The following GUSB variants were observed in gnomAD, a reference collection of about 807,000 sequenced individuals.
The protein encoded by GUSB is beta-glucuronidase.
In GUSB, 51 loss-of-function variants were observed where a neutral mutation model predicts 74.6. That is an observed-to-expected ratio of 0.68 (90% CI 0.55 to 0.86). The LOEUF is 0.86. Among genes scored for constraint, GUSB ranks in the 40% least tolerant of loss-of-function variants. The pLI is 0.00. For missense variants in GUSB, 736 were observed against 853.7 expected, an observed-to-expected ratio of 0.86 and a Z score of 1.72; for synonymous variants, 360 against 348.3, an observed-to-expected ratio of 1.03 and a Z score of -0.37.
intron 4 of GUSB, among the ~76,000 whole-genome samples, chr7:65,976,721 CAGG>C (rs952614470): frequency 1.3e-5 from 2 of 151,590 alleles, no homozygotes; most frequent in African/African-American, 2.4e-5. Context: ...CGCTTGAGAC[CAGG>C]AGTTCAAGAC....
chr7:65,971,734 GAA>G (rs112996996), intron 8 of GUSB, among the ~76,000 whole-genome samples: 1 of 134,644 alleles, frequency 7.4e-6, no homozygotes, highest in African/African-American at 2.7e-5. Context: ...CCATCTTGCG[GAA>G]AAAAAAAAAA....
chr7:65,979,994 C>T (rs1791884342), intron 2 of GUSB, 83 bp from the exon 3 acceptor site: 1 of 1,198,838 alleles, frequency 8.3e-7, no homozygotes, highest in Non-Finnish European at 1.2e-6. Flanking sequence ...CCTCACATAA[C>T]CTGCAGCATG....
At chr7:65,970,194 T>TG in intron 9 of GUSB, 88 bp downstream of exon 9, 1 of 806,872 alleles carries the variant, frequency 1.2e-6, no homozygotes, top group South Asian at 1.3e-5. Flanking sequence ...TGGCAGCGCA[T>TG]GGTTCTTCCT....
intron 11 of GUSB, 100 bp downstream of exon 11, chr7:65,964,223 T>C (rs1790681465): frequency 5.5e-6 from 6 of 1,081,464 alleles, no homozygotes; most frequent in Non-Finnish European, 8.6e-6. Flanking sequence ...TTCCCCAACT[T>C]TGTTTCCAAT....
rs561880389 is a variant in GUSB, at chr7:65,975,837, T to A, written c.912+178A>T. ...TTGCACTCCAGCCTGGGTGACAGAG[T>A]GAGACCATCTCAAAAAAAAAAAAAA... On this transcript the variant is annotated intron_variant, in intron 5 of 11. Transcript: ENST00000304895. 739 of 552,190 alleles carry A rather than the reference T, an allele frequency of 1.3e-3. 7 individuals are homozygous for A. The African/African-American group carries it at 0.014, about 11-fold the overall frequency. 34.2% of individuals were successfully genotyped at this position (552,190 alleles called of 1,614,324 possible).
rs748729882 is a variant in GUSB, at chr7:65,980,330, C to T, written c.290G>A (p.Gly97Asp). ...CACCTCCCGTTCGTACCACACCCAG[C>T]CGACAAAATGCCGCAGACGCCAGTC... ...SQDWRLRHFV[G>D]WVWYEREVIL... The change falls in exon 2 of 12, where the codon GGC (glycine) becomes GAC (aspartate). Residue 97 changes from glycine (G) to aspartate (D), a missense_variant. By Grantham distance (94) the Gly-to-Asp change is moderately conservative (BLOSUM62 -1). Transcript: ENST00000304895. 6.2e-7 allele frequency: 1 copy of T among 1,613,880 alleles called. No individual in the cohort carries two copies. Among genetic ancestry groups the T allele is most frequent in the Admixed American group, 1.7e-5 (1 of 59,976 alleles).
intron 4 of GUSB, among the ~76,000 whole-genome samples, chr7:65,977,179 TTCAC>T (rs1373212243): frequency 1.3e-5 from 2 of 152,096 alleles, no homozygotes; most frequent in Admixed American, 1.3e-4. Flanking sequence ...CATTTTGCAC[TTCAC>T]TATTTTTTTT....
rs1791409004 is a variant in GUSB at position 65,974,289 on chromosome 7, A to G, written c.1391+6T>C. 11 of 1,613,206 alleles carry G rather than the reference A, an allele frequency of 6.8e-6. No homozygotes were observed. The highest frequency in any genetic ancestry group is 9.3e-6 in the Non-Finnish European group (11 of 1,179,786). ...CTCTAGCCGAGGGCAGGGAGGGAGC[A>G]CTCACTTCAAGTAGTAGCCAGCAGA... On this transcript the variant is annotated splice_donor_region_variant and intron_variant, in intron 8 of 11. Transcript: ENST00000304895.
intron 4 of GUSB, among the ~76,000 whole-genome samples, chr7:65,976,558 C>T (rs529892226): frequency 2.2e-4 from 33 of 151,972 alleles, no homozygotes; most frequent in African/African-American, 7.7e-4. Context: ...CCCCTGACCT[C>T]AGGTGATCCA....
intron 2 of GUSB, 39 bp downstream of exon 2, chr7:65,980,185 G>GCGCCCCCCC: frequency 1.4e-6 from 1 of 725,274 alleles, no homozygotes; most frequent in Non-Finnish European, 2.4e-6. Flanking sequence ...CAGCAGCCGT[G>GCGCCCCCCC]CCCCCCCACC....
intron 1 of GUSB, among the ~76,000 whole-genome samples, chr7:65,981,207 T>TC: frequency 7.2e-6 from 1 of 139,310 alleles, no homozygotes; most frequent in East Asian, 2.1e-4. Flanking sequence ...CCCTGTATCT[T>TC]TTTTTTTTTT....
In GUSB at chr7:65,977,978, T is replaced by C. The variant is rs377227354; in HGVS notation, c.724+1421A>G. On this transcript the variant is annotated intron_variant, in intron 4 of 11. Transcript: ENST00000304895. The stretch of plus-strand genomic sequence containing the variant: ...GGCCCCTGCCACCATGCCCGGCTAA[T>C]TTTTTGCATTTTTAGTAGAGACGGA... Among the ~76,000 whole-genome samples, 6 of 151,626 alleles carry C rather than the reference T, an allele frequency of 4.0e-5. 1 individual carries two copies. The highest frequency in any genetic ancestry group is 1.5e-5 in the Non-Finnish European group (1 of 67,876).
Position 65,979,880 on chromosome 7 carries a change from T to A in GUSB, c.428A>T (p.Glu143Val). 1 of 1,610,844 alleles carries A rather than the reference T, an allele frequency of 6.2e-7. No homozygotes were observed. Among genetic ancestry groups the A allele is most frequent in the Non-Finnish European group, 8.5e-7 (1 of 1,179,166 alleles). ...WVNGVDTLEH[E>V]GGYLPFEADI... Reference sequence around the variant, plus strand: ...GGCCTCGAAGGGGAGGTAGCCCCCCTCATGCTCTAGCGTGTCGACCCCATT... The same window carrying A: ...GGCCTCGAAGGGGAGGTAGCCCCCCACATGCTCTAGCGTGTCGACCCCATT... The change falls in exon 3 of 12, where the codon GAG becomes GTG. Residue 143 changes from glutamate (E) to valine (V), a missense_variant. By Grantham distance (121) the Glu-to-Val change is moderately radical (BLOSUM62 -2). Transcript: ENST00000304895.
rs753883162 is a variant in GUSB at position 65,980,274 on chromosome 7, G to C, written c.346C>G (p.Arg116Gly). The C allele has an allele frequency of 6.2e-7, 1 of 1,610,584 alleles. No individual in the cohort carries two copies. The highest frequency in any genetic ancestry group is 8.5e-7 in the Non-Finnish European group (1 of 1,178,726). The change falls in exon 2 of 12, where the codon CGC becomes GGC. Residue 116 changes from arginine (R) to glycine (G), a missense_variant. Arg to Gly is a moderately radical substitution (Grantham distance 125). Transcript: ENST00000304895. Reference protein sequence around the residue: ...ILPERWTQDLRTRVVLRIGSA... With the variant: ...ILPERWTQDLGTRVVLRIGSA... ...CCAATCCTCAGCACCACTCTTGTGC[G>C]CAGGTCCTGGGTCCATCGCTCCGGC...
At chr7:65,979,968 C>T in intron 2 of GUSB, 57 bp from the exon 3 acceptor site, 1 of 1,405,418 alleles carries the variant, frequency 7.1e-7, no homozygotes, top group Non-Finnish European at 9.7e-7. Context: ...AGGAGGCGCC[C>T]TACTATCGGG....
Position 65,975,064 on chromosome 7 carries a change from A to T in GUSB, c.920T>A (p.Leu307Gln). 6.2e-7 allele frequency: 1 copy of T among 1,613,112 alleles called. No homozygotes were observed. The highest frequency in any genetic ancestry group is 1.7e-4 in the Middle Eastern group (1 of 5,800). The change falls in exon 6 of 12, where the codon CTG (leucine) becomes CAG (glutamine). Residue 307 changes from leucine (L) to glutamine (Q), a missense_variant. Physicochemically the swap from Leu to Gln is moderately radical, Grantham distance 113. Transcript: ENST00000304895. Reference protein sequence around the residue: ...PAYLYSLEVQLTAQTSLGPVS... With the variant: ...PAYLYSLEVQQTAQTSLGPVS... The stretch of plus-strand genomic sequence containing the variant: ...AGGCCCCAGTGACGTCTGTGCAGTC[A>T]GCTGCACCTATGACAGCCAAAGCAC...
chr7:65,973,125 G>A (rs917988945), intron 8 of GUSB, among the ~76,000 whole-genome samples: 1 of 152,162 alleles, frequency 6.6e-6, no homozygotes, highest in Non-Finnish European at 1.5e-5. Context: ...GAGGCCAGGA[G>A]TTCCACGCCA....
chr7:65,979,568 G>C, intron 3 of GUSB, 27 bp from the exon 4 acceptor site: 1 of 1,613,868 alleles, frequency 6.2e-7, no homozygotes, highest in Non-Finnish European at 8.5e-7. Flanking sequence ...GTGGTTTGCT[G>C]GGCCCTTGCT....
intron 11 of GUSB, among the ~76,000 whole-genome samples, chr7:65,962,479 C>A (rs1013653693): frequency 1.3e-5 from 2 of 152,216 alleles, no homozygotes; most frequent in African/African-American, 4.8e-5. Context: ...GCAGCCCTTA[C>A]GACACCAACA....
Sources: allele counts gnomAD v4.1 joint callset (sites outside exome capture counted in the v4.1 genomes callset), GRCh38; gene constraint gnomAD v4.1.1; transcripts MANE v1.5; gene names NCBI Gene and HGNC (gene_info 2026-07-23, HGNC 2026-07-21).